The following TRPM8 variants were observed in gnomAD, a reference collection of about 807,000 sequenced individuals.
The protein encoded by TRPM8 is transient receptor potential cation channel subfamily M member 8.
In TRPM8, 110 loss-of-function variants were observed where a neutral mutation model predicts 133.7. The ratio of observed to expected loss-of-function variants is 0.82; its 90% confidence interval spans 0.70 to 0.96. TRPM8 has a LOEUF of 0.96. Among genes scored for constraint, TRPM8 ranks in the 40% least tolerant of loss-of-function variants. The pLI is 0.00. For synonymous variants in TRPM8, 535 were observed against 532.3 expected (o/e 1.01, Z -0.07); for missense variants, 1,291 against 1,379.5 (o/e 0.94, Z 1.02).
Position 234,014,673 on chromosome 2 carries a change from T to G in TRPM8, c.*42+19T>G. 1.1e-6 allele frequency: 1 copy of G among 909,542 alleles called. No individual in the cohort carries two copies. Among genetic ancestry groups the G allele is most frequent in the South Asian group, 1.7e-5 (1 of 58,652 alleles). 56.3% of individuals were successfully genotyped at this position (909,542 alleles called of 1,614,324 possible). On this transcript the variant is annotated intron_variant, in intron 25 of 25. Transcript: ENST00000324695. ...TAGCAAGGTGAGTCATTCTAATAGC[T>G]TTTTACTTTGCTCTGAAGATTTGCA...
At chr2:233,926,041 C>T (rs574375794) in intron 1 of TRPM8, among the ~76,000 whole-genome samples, 124 of 152,316 alleles carry the variant, frequency 8.1e-4, no homozygotes, top group African/African-American at 2.8e-3. Context: ...AAGCCCTACC[C>T]ACCACCCTTC....
chr2:233,944,117 A>G (rs951356183), intron 6 of TRPM8, among the ~76,000 whole-genome samples: 1 of 152,122 alleles, frequency 6.6e-6, no homozygotes, highest in Non-Finnish European at 1.5e-5. Context: ...CTTTTATAAT[A>G]ATAACCTGTA....
chr2:233,934,058 C>G (rs1691734809), intron 3 of TRPM8: 1 of 166,970 alleles, frequency 6.0e-6, no homozygotes, highest in South Asian at 2.1e-4. Context: ...GAATAGGAAT[C>G]ATTTCCATAC....
chr2:233,993,144 G>A (rs562135421), intron 21 of TRPM8, among the ~76,000 whole-genome samples: 81 of 152,120 alleles, frequency 5.3e-4, no homozygotes, highest in Non-Finnish European at 9.1e-4. Context: ...TATGCAAAAC[G>A]GCTTTTGGGT....
chr2:233,971,689 T>C (rs1268560510), intron 17 of TRPM8, among the ~76,000 whole-genome samples: 2 of 152,106 alleles, frequency 1.3e-5, no homozygotes, highest in East Asian at 3.9e-4. Context: ...AGTTTCTTCC[T>C]TCTGGTGGGT....
In TRPM8 at chr2:233,996,360, C is replaced by T. The variant is rs143128851; in HGVS notation, c.2974C>T (p.Gln992Ter). 5.0e-6 allele frequency: 8 copies of T among 1,614,058 alleles called. No individual in the cohort carries two copies. The Admixed American group carries it at 1.3e-4, about 27-fold the overall frequency. Residue 992 changes from glutamine (Q) to a stop codon, truncating the protein, a stop_gained, in exon 22 of 26, where the codon CAG becomes TAG. Transcript: ENST00000324695. LOFTEE classifies it high-confidence loss of function. ...TVGTVQENNDQVWKFQRYFLV... is the reference protein window; with the variant it reads ...TVGTVQENND The stretch of plus-strand genomic sequence containing the variant: ...GGGCACCGTCCAGGAGAACAATGAC[C>T]AGGTCTGGAAGTTCCAGAGGTACTT...
At chr2:233,937,314 G>A (rs762264194) in intron 3 of TRPM8, 39 bp from the exon 4 acceptor site, 1 of 1,608,444 alleles carries the variant, frequency 6.2e-7, no homozygotes, top group South Asian at 1.1e-5. Context: ...CAGGCTCAAT[G>A]AAATCCTTCC....
intron 9 of TRPM8, among the ~76,000 whole-genome samples, chr2:233,951,255 A>G (rs996190409): frequency 5.3e-5 from 8 of 152,178 alleles, no homozygotes; most frequent in Non-Finnish European, 1.0e-4. Context: ...ACAAACAATC[A>G]AAAAAAGCAT....
intron 3 of TRPM8, among the ~76,000 whole-genome samples, chr2:233,934,271 C>A (rs28901619): frequency 0.033 from 5,023 of 152,254 alleles, 282 homozygotes; most frequent in African/African-American, 0.11. Context: ...CACACCTGTT[C>A]TCTTCTTTCT....
chr2:233,952,141 AT>A (rs976341304), intron 9 of TRPM8, among the ~76,000 whole-genome samples: 3 of 152,164 alleles, frequency 2.0e-5, no homozygotes, highest in African/African-American at 7.2e-5. Context: ...TCATTTATTA[AT>A]TTATTCAGTA....
chr2:233,942,451 C>T, intron 5 of TRPM8, 125 bp from the exon 6 acceptor site: 2 of 898,762 alleles, frequency 2.2e-6, no homozygotes, highest in Admixed American at 1.9e-5. Context: ...TGCCATACGA[C>T]ATAGCTGCCA....
At chr2:234,008,669 C>T (rs560826616) in intron 24 of TRPM8, among the ~76,000 whole-genome samples, 10 of 152,226 alleles carry the variant, frequency 6.6e-5, no homozygotes, top group East Asian at 5.8e-4. Flanking sequence ...TATTCTATCA[C>T]GTTAGTTTGA....
At chr2:233,952,038 T>G (rs766471956) in intron 9 of TRPM8, among the ~76,000 whole-genome samples, 2 of 152,160 alleles carry the variant, frequency 1.3e-5, no homozygotes, top group Non-Finnish European at 2.9e-5. Context: ...TATTCCCCCA[T>G]GCCTATTCCT....
chr2:233,942,474 G>C, intron 5 of TRPM8, 102 bp from the exon 6 acceptor site: 1 of 1,146,190 alleles, frequency 8.7e-7, no homozygotes, highest in Non-Finnish European at 1.3e-6. Flanking sequence ...GCTGTGTCCT[G>C]ATGCCTACAG....
At chr2:233,956,535 T>C (rs1356779837) in intron 11 of TRPM8, among the ~76,000 whole-genome samples, 1 of 152,174 alleles carries the variant, frequency 6.6e-6, no homozygotes, top group Non-Finnish European at 1.5e-5. Context: ...ATTTCAGTCA[T>C]TAGGGGGCCG....
chr2:233,950,195 G>A, intron 9 of TRPM8, 49 bp downstream of exon 9: 1 of 1,566,530 alleles, frequency 6.4e-7, no homozygotes, highest in Non-Finnish European at 8.7e-7. Flanking sequence ...AGACAAGTTG[G>A]TGAGAAGGGA....
chr2:233,981,745 A>G, intron 18 of TRPM8, 29 bp from the exon 19 acceptor site: 3 of 1,580,310 alleles, frequency 1.9e-6, no homozygotes, highest in Non-Finnish European at 2.6e-6. Context: ...TCAATATCTC[A>G]TGAATTCTGT....
intron 25 of TRPM8, 146 bp from the exon 26 acceptor site, chr2:234,017,153 T>TA (rs769963667): frequency 0.046 from 13,303 of 291,334 alleles, 49 homozygotes; most frequent in Non-Finnish European, 0.059. Flanking sequence ...GCTGCTTCTA[T>TA]AAAAAAAAAA....
intron 17 of TRPM8, among the ~76,000 whole-genome samples, chr2:233,979,734 C>A (rs556861396): frequency 1.6e-4 from 24 of 152,106 alleles, no homozygotes; most frequent in Non-Finnish European, 3.2e-4. Flanking sequence ...AAAAAGATTT[C>A]TTTTAATCAA....
Sources: gnomAD v4.1 joint callset for allele counts (sites outside exome capture counted in the v4.1 genomes callset) on GRCh38, gnomAD v4.1.1 for gene constraint, MANE v1.5 for transcripts, NCBI Gene and HGNC (gene_info 2026-07-23, HGNC 2026-07-21) for gene names.